SLC22A25: variants seen among roughly 807,000 people sequenced by gnomAD.
The protein encoded by SLC22A25 is MGI:2442751, MGI:2385316, MGI:3042283, MGI:3645714, MGI:3605624, MGI:2442750.
In SLC22A25, 44 loss-of-function variants were observed where a neutral mutation model predicts 45.9. The observed-to-expected ratio is 0.96, with a 90% CI of 0.75 to 1.23. The LOEUF is 1.23. Among genes scored for constraint, SLC22A25 ranks in the 50% most tolerant of loss-of-function variants. SLC22A25 has a pLI of 0.00. For synonymous variants in SLC22A25, 283 were observed against 238.6 expected, an observed-to-expected ratio of 1.19 and a Z score of -1.72; for missense variants, 800 against 666.4, an observed-to-expected ratio of 1.20 and a Z score of -2.21.
Position 63,163,217 on chromosome 11 carries a change from G to C in SLC22A25, c.*607C>G, listed in dbSNP as rs776410901. On this transcript the variant is annotated 3_prime_UTR_variant, in exon 12 of 12. Coordinates refer to ENST00000306494, the MANE Select transcript of SLC22A25 (RefSeq NM_199352.6). The stretch of plus-strand genomic sequence containing the variant: ...TTGGACACCATGGCATTGACCAAAG[G>C]GATTTTGGAAAAGGCAAGAGAAGCA... 1.3e-5 allele frequency among the ~76,000 whole-genome samples: 2 copies of C among 152,042 alleles called. No homozygotes were observed. Among genetic ancestry groups the C allele is most frequent in the Non-Finnish European group, 2.9e-5 (2 of 68,010 alleles).
At chr11:63,236,829 C>T (rs1157725140) in intron 3 of SLC22A25, among the ~76,000 whole-genome samples, 3 of 152,172 alleles carry the variant, frequency 2.0e-5, no homozygotes, top group Admixed American at 6.5e-5. Flanking sequence ...TAACTATATG[C>T]ATCTCTGTTT....
intron 8 of SLC22A25, among the ~76,000 whole-genome samples, chr11:63,183,115 AG>A (rs894681667): frequency 1.6e-4 from 24 of 152,200 alleles, no homozygotes; most frequent in African/African-American, 5.8e-4. Flanking sequence ...GACTTCCCCC[AG>A]GCATTTCCAC....
intron 5 of SLC22A25, chr11:63,219,959 A>G (rs566392999): frequency 1.6e-6 from 2 of 1,289,302 alleles, no homozygotes; most frequent in South Asian, 1.2e-5. Flanking sequence ...GTGGATGGCA[A>G]TGGGCACCTC....
chr11:63,198,454 G>T (rs1406587588), intron 7 of SLC22A25, among the ~76,000 whole-genome samples: 1 of 152,198 alleles, frequency 6.6e-6, no homozygotes, highest in Non-Finnish European at 1.5e-5. Context: ...AGCACTCTGA[G>T]CAAACTGTTA....
intron 1 of SLC22A25, among the ~76,000 whole-genome samples, chr11:63,240,752 A>G (rs1305477828): frequency 1.3e-5 from 2 of 152,266 alleles, no homozygotes; most frequent in East Asian, 1.9e-4. Context: ...ACCATTTTCC[A>G]TCTTCACATC....
intron 7 of SLC22A25, among the ~76,000 whole-genome samples, chr11:63,192,705 CAG>C (rs2088858925): frequency 6.6e-6 from 1 of 152,086 alleles, no homozygotes; most frequent in Non-Finnish European, 1.5e-5. Flanking sequence ...TCTGACAGAA[CAG>C]AGTTTAAACC....
chr11:63,222,196 T>C (rs1346502374), intron 5 of SLC22A25, among the ~76,000 whole-genome samples: 1 of 152,174 alleles, frequency 6.6e-6, no homozygotes, highest in African/African-American at 2.4e-5. Flanking sequence ...AGAGATTGCA[T>C]TGAATCTGTG....
At chr11:63,185,368 A>G (rs995939378) in intron 7 of SLC22A25, among the ~76,000 whole-genome samples, 4 of 151,354 alleles carry the variant, frequency 2.6e-5, no homozygotes, top group African/African-American at 4.9e-5. Flanking sequence ...ATTCCCACCT[A>G]TGAGTGAGAA....
intron 9 of SLC22A25, chr11:63,167,888 G>A (rs1490319419): frequency 6.2e-6 from 2 of 322,866 alleles, no homozygotes; most frequent in African/African-American, 2.3e-5. Context: ...TTCCCAGCAG[G>A]GGTCAACAGA....
At chr11:63,202,520 G>T (rs1276549843) in intron 7 of SLC22A25, among the ~76,000 whole-genome samples, 1 of 152,194 alleles carries the variant, frequency 6.6e-6, no homozygotes, top group Non-Finnish European at 1.5e-5. Context: ...CCCTCACAGT[G>T]TAAACAAAGA....
At position 63,228,551 on chromosome 11, in the gene SLC22A25, CAT is replaced by C; in HGVS notation, c.414_415del (p.Cys139ArgfsTer10). 6.2e-7 allele frequency: 1 copy of C among 1,613,474 alleles called. No individual in the cohort carries two copies. On this transcript the variant is annotated frameshift_variant, in exon 5 of 12. Coordinates refer to ENST00000306494, the MANE Select transcript of SLC22A25 (RefSeq NM_199352.6). LOFTEE classifies it high-confidence loss of function. ...TACTGAATTCAGTGGTTGAGATTCG[CAT>C]ACCAGATCCCACTGGAAGAAAAGGA...
Position 63,200,489 on chromosome 11 carries a change from G to A in SLC22A25, c.831-16672C>T, listed in dbSNP as rs576411092. Among the ~76,000 whole-genome samples, 47 of 151,634 alleles carry A rather than the reference G, an allele frequency of 3.1e-4. No individual in the cohort carries two copies. The South Asian group carries it at 9.4e-3, about 30-fold the overall frequency. ...TTAAAAAAAACTGTCAATAAACTAG[G>A]TATTGACAAAACATACCTCAAAATA... On this transcript the variant is annotated intron_variant, in intron 7 of 11. Transcript: ENST00000306494.
chr11:63,233,401 A>G (rs2090106332), intron 3 of SLC22A25, among the ~76,000 whole-genome samples: 1 of 152,156 alleles, frequency 6.6e-6, no homozygotes, highest in Admixed American at 6.5e-5. Flanking sequence ...CATGTCTTCT[A>G]GATTTTCTAG....
chr11:63,235,708 G>A (rs2090151451), intron 3 of SLC22A25, among the ~76,000 whole-genome samples: 1 of 152,192 alleles, frequency 6.6e-6, no homozygotes, highest in African/African-American at 2.4e-5. Context: ...CCTTTAGAGA[G>A]GAGAGGTGCT....
chr11:63,242,138 GACAGAAACTA>G (rs1274567071), intron 1 of SLC22A25, among the ~76,000 whole-genome samples: 1 of 152,118 alleles, frequency 6.6e-6, no homozygotes, highest in Non-Finnish European at 1.5e-5. Context: ...TGCTAGTTGG[GACAGAAACTA>G]ACAGAGAATG....
At chr11:63,217,103 T>C (rs2089730874) in intron 7 of SLC22A25, among the ~76,000 whole-genome samples, 1 of 152,236 alleles carries the variant, frequency 6.6e-6, no homozygotes, top group African/African-American at 2.4e-5. Context: ...TTCAGAAGTA[T>C]TTGTTGATTA....
intron 7 of SLC22A25, among the ~76,000 whole-genome samples, chr11:63,198,967 G>T (rs998869641): frequency 3.3e-5 from 5 of 151,902 alleles, no homozygotes; most frequent in Non-Finnish European, 5.9e-5. Flanking sequence ...AAGATCTAAA[G>T]TTAACAACCT....
Position 63,190,849 on chromosome 11 carries a change from C to T in SLC22A25, c.831-7032G>A, listed in dbSNP as rs983198134. Reference sequence around the variant, plus strand: ...TTTGTCTGGGTATCAGCAGCAGAGGCTGCAGAACAGCGGATATTGGTGAAC... The same window carrying T: ...TTTGTCTGGGTATCAGCAGCAGAGGTTGCAGAACAGCGGATATTGGTGAAC... On this transcript the variant is annotated intron_variant, in intron 7 of 11. Transcript: ENST00000306494. 3.9e-5 allele frequency among the ~76,000 whole-genome samples: 6 copies of T among 152,338 alleles called. 1 individual carries two copies. The highest frequency in any genetic ancestry group is 3.9e-4 in the Admixed American group (6 of 15,302).
At chr11:63,199,049 A>G (rs973918255) in intron 7 of SLC22A25, among the ~76,000 whole-genome samples, 1 of 152,122 alleles carries the variant, frequency 6.6e-6, no homozygotes, top group Admixed American at 6.6e-5. Context: ...GAAATAATCA[A>G]AATTAAAGCT....
Sources: allele counts gnomAD v4.1 joint callset (sites outside exome capture counted in the v4.1 genomes callset), GRCh38; gene constraint gnomAD v4.1.1; transcripts MANE v1.5; gene names NCBI Gene and HGNC (gene_info 2026-07-23, HGNC 2026-07-21).